TGM3: variants seen among roughly 807,000 people sequenced by gnomAD.
TGM3 encodes the protein transglutaminase 3.
A neutral mutation model predicts 73.8 loss-of-function variants in TGM3; 52 were observed. The observed-to-expected ratio is 0.70, with a 90% CI of 0.56 to 0.89. TGM3 has a LOEUF of 0.89. Ranked by LOEUF, TGM3 falls within the 40% of genes least tolerant of loss-of-function variation. TGM3 has a pLI of 0.00. For synonymous variants in TGM3, 372 were observed against 354.9 expected, an observed-to-expected ratio of 1.05 and a Z score of -0.54; for missense variants, 928 against 909.9, an observed-to-expected ratio of 1.02 and a Z score of -0.26.
chr20:2,327,447 A>G (rs780325751), intron 8 of TGM3, among the ~76,000 whole-genome samples: 3 of 152,232 alleles, frequency 2.0e-5, no homozygotes, highest in Non-Finnish European at 2.9e-5. Context: ...ACTGCACTCC[A>G]GACTGGGCGA....
At position 2,310,322 on chromosome 20, in the gene TGM3, G is replaced by A. The variant is rs1462348459; in HGVS notation, c.326G>A (p.Gly109Glu). 1.2e-6 allele frequency: 2 copies of A among 1,614,222 alleles called. No individual in the cohort carries two copies. Among genetic ancestry groups the A allele is most frequent in the Admixed American group, 1.7e-5 (1 of 60,030 alleles). Residue 109 changes from glycine (G) to glutamate (E), a missense_variant, in exon 3 of 13, where the codon GGA becomes GAA. By Grantham distance (98) the Gly-to-Glu change is moderately conservative (BLOSUM62 -2). Transcript: ENST00000381458. ...TCCAGTCCTGCCAGCGCACCCATAG[G>A]ACGGTACACAATGGCCCTCCAGATC... Reference protein sequence around the residue: ...SISSPASAPIGRYTMALQIFS... With the variant: ...SISSPASAPIERYTMALQIFS...
At chr20:2,297,033 T>C (rs147915763) in intron 1 of TGM3, among the ~76,000 whole-genome samples, 1 of 152,332 alleles carries the variant, frequency 6.6e-6, no homozygotes, top group African/African-American at 2.4e-5. Context: ...CCCCCTCCCC[T>C]GTCTCCCATT....
chr20:2,320,087 C>G (rs1194663029), intron 7 of TGM3, among the ~76,000 whole-genome samples: 1 of 152,204 alleles, frequency 6.6e-6, no homozygotes, highest in Non-Finnish European at 1.5e-5. Flanking sequence ...AAACCAAGAG[C>G]CAGTTTCTGC....
intron 8 of TGM3, among the ~76,000 whole-genome samples, chr20:2,327,169 C>G (rs1398600990): frequency 6.6e-6 from 1 of 152,112 alleles, no homozygotes; most frequent in Non-Finnish European, 1.5e-5. Context: ...TATCAAGGCT[C>G]ATTAGATATA....
At chr20:2,329,992 C>A (rs1201665935) in intron 9 of TGM3, among the ~76,000 whole-genome samples, 2 of 152,020 alleles carry the variant, frequency 1.3e-5, no homozygotes, top group East Asian at 3.9e-4. Flanking sequence ...ACACCTTGAT[C>A]TCTGGCTGTC....
intron 7 of TGM3, among the ~76,000 whole-genome samples, chr20:2,322,288 C>A (rs2019155): frequency 0.55 from 83,005 of 152,018 alleles, 27,147 homozygotes; most frequent in East Asian, 0.79. Flanking sequence ...TCTTTTCTCT[C>A]TGAGTTATTG....
chr20:2,317,338 C>T lies in TGM3; in HGVS notation c.848-12C>T, dbSNP rs753848915. On this transcript the variant is annotated splice_polypyrimidine_tract_variant and intron_variant, in intron 6 of 12. Coordinates refer to ENST00000381458, the MANE Select transcript of TGM3 (RefSeq NM_003245.4). ...CCACCACCTGAGTCCTCACGCCCAC[C>T]CTGACTTGCAGCGCTGCGGTCTTTG... 2 of 1,614,180 alleles carry T rather than the reference C, an allele frequency of 1.2e-6. No individual in the cohort carries two copies. Among genetic ancestry groups the T allele is most frequent in the Non-Finnish European group, 8.5e-7 (1 of 1,180,028 alleles).
intron 10 of TGM3, among the ~76,000 whole-genome samples, chr20:2,333,533 A>G (rs62194566): frequency 1.8e-4 from 28 of 152,042 alleles, no homozygotes; most frequent in Non-Finnish European, 3.1e-4. Context: ...AGTAACTAGG[A>G]CTACAGGCAT....
rs748485603 is a variant in TGM3 at position 2,332,069 on chromosome 20, C to T, written c.1401C>T (p.Ala467=). The T allele has an allele frequency of 1.9e-5, 31 of 1,614,036 alleles. No individual in the cohort carries two copies. Among genetic ancestry groups the T allele is most frequent in the Admixed American group, 3.3e-5 (2 of 59,998 alleles). ...LGKLKPNTPF[A]ATSSMGLETE... ...AACTTAAACCCAACACGCCATTTGC[C>T]GCGACGTCTTCAATGGGTTTGGAAA... The change falls in exon 10 of 13, where the codon GCC becomes GCT. Residue 467 remains alanine (A), a synonymous_variant. Coordinates refer to ENST00000381458, the MANE Select transcript of TGM3 (RefSeq NM_003245.4). The surrounding 1 kb of genome is among the most constrained non-coding windows in gnomAD (Gnocchi z 4.4).
chr20:2,337,420 A>G (rs2084356262), intron 11 of TGM3, among the ~76,000 whole-genome samples: 1 of 152,184 alleles, frequency 6.6e-6, no homozygotes, highest in African/African-American at 2.4e-5. Context: ...ATCAGTGTTT[A>G]AAAGAACTTA....
At chr20:2,300,965 C>T (rs1005218538) in intron 1 of TGM3, among the ~76,000 whole-genome samples, 3 of 152,182 alleles carry the variant, frequency 2.0e-5, no homozygotes, top group South Asian at 4.2e-4. Flanking sequence ...GTCTCACTGT[C>T]CCTCTTCTAC....
intron 1 of TGM3, among the ~76,000 whole-genome samples, chr20:2,297,532 C>G (rs2084116787): frequency 6.6e-6 from 1 of 152,204 alleles, no homozygotes; most frequent in South Asian, 2.1e-4. Context: ...TGTGCAGGAC[C>G]TCCCGTGGAC....
At chr20:2,307,439 T>C (rs999177796) in intron 1 of TGM3, among the ~76,000 whole-genome samples, 3 of 152,178 alleles carry the variant, frequency 2.0e-5, no homozygotes, top group African/African-American at 7.2e-5. Context: ...TCTTGTGCCT[T>C]TGGGCCTCTC....
chr20:2,303,250 A>G (rs1262290694), intron 1 of TGM3, among the ~76,000 whole-genome samples: 3 of 152,034 alleles, frequency 2.0e-5, no homozygotes, highest in Non-Finnish European at 4.4e-5. Flanking sequence ...GCAGTGAGCC[A>G]AGATCGTACC....
intron 1 of TGM3, among the ~76,000 whole-genome samples, chr20:2,297,505 TG>T (rs2084116552): frequency 6.6e-6 from 1 of 152,058 alleles, no homozygotes; most frequent in South Asian, 2.1e-4. Context: ...CCCCCAGGAA[TG>T]TGCACCTCCC....
Position 2,340,664 on chromosome 20 carries a change from G to C in TGM3, c.*83G>C, listed in dbSNP as rs903248797. Reference sequence around the variant, plus strand: ...ATGGAATGAACCCCCCGCCCATGCTGTCCGGCCTGGGAAACCCTCTCCATC... The same window carrying C: ...ATGGAATGAACCCCCCGCCCATGCTCTCCGGCCTGGGAAACCCTCTCCATC... On this transcript the variant is annotated 3_prime_UTR_variant, in exon 13 of 13. Transcript: ENST00000381458. 4.5e-6 allele frequency: 7 copies of C among 1,571,208 alleles called. No individual in the cohort carries two copies. The African/African-American group carries it at 9.5e-5, about 21-fold the overall frequency.
At chr20:2,317,314 C>T (rs2084239756) in intron 6 of TGM3, 36 bp from the exon 7 acceptor site, 6 of 1,614,090 alleles carry the variant, frequency 3.7e-6, no homozygotes, top group Non-Finnish European at 1.7e-6. Flanking sequence ...GTACCATCTC[C>T]ACCACCTGAG....
chr20:2,309,582 T>C, intron 1 of TGM3, 75 bp from the exon 2 acceptor site: 1 of 1,515,374 alleles, frequency 6.6e-7, no homozygotes, highest in Non-Finnish European at 9.0e-7. Context: ...AGCTGCTCTT[T>C]GGTAACTTAC....
At position 2,312,927 on chromosome 20, in the gene TGM3, C is replaced by T. The variant is rs377116478; in HGVS notation, c.570C>T (p.Leu190=). The change falls in exon 5 of 13, where the codon CTC becomes CTT. Residue 190 remains leucine, a synonymous_variant. Coordinates refer to ENST00000381458, the MANE Select transcript of TGM3 (RefSeq NM_003245.4). ...AAGAAGACATTCTCAGCATCTGCCT[C>T]TCAATCTTGGATAGGAGTCTGAATT... The part of the protein sequence containing the change: ...QFEEDILSIC[L]SILDRSLNFR... 3 of 1,614,098 alleles carry T rather than the reference C, an allele frequency of 1.9e-6. No individual in the cohort carries two copies. Among genetic ancestry groups the T allele is most frequent in the Non-Finnish European group, 2.5e-6 (3 of 1,180,048 alleles).
Sources: gnomAD v4.1 joint callset for allele counts (sites outside exome capture counted in the v4.1 genomes callset) on GRCh38, gnomAD v4.1.1 for gene constraint, Gnocchi (gnomAD v3.1) non-coding constraint, MANE v1.5 for transcripts, NCBI Gene and HGNC (gene_info 2026-07-23, HGNC 2026-07-21) for gene names.